The following CNTN3 variants were observed in gnomAD, a reference collection of about 807,000 sequenced individuals.
The protein encoded by CNTN3 is contactin-3.
Under a neutral mutation model 119.1 loss-of-function variants are expected in CNTN3, and 60 were observed. That is an observed-to-expected ratio of 0.50 (90% CI 0.41 to 0.62). The LOEUF (loss-of-function observed/expected upper bound fraction) is 0.62. Among genes scored for constraint, CNTN3 ranks in the 20% least tolerant of loss-of-function variants. The pLI is 0.00. For missense variants in CNTN3, 1,101 were observed against 1,242.4 expected (o/e 0.89, Z 1.71); for synonymous variants, 450 against 438.7 (o/e 1.03, Z -0.32).
At chr3:74,361,703 T>C (rs1704076542) in intron 11 of CNTN3, among the ~76,000 whole-genome samples, 187 bp downstream of exon 11, 1 of 152,178 alleles carries the variant, frequency 6.6e-6, no homozygotes. Context: ...TTTCTGTGTT[T>C]AGATTTCAAA....
At chr3:74,565,510 G>T (rs1257676541) in intron 1 of CNTN3, among the ~76,000 whole-genome samples, 1 of 152,138 alleles carries the variant, frequency 6.6e-6, no homozygotes, top group Non-Finnish European at 1.5e-5. Flanking sequence ...CAGATATAAA[G>T]TCCATTTTGC....
chr3:74,520,407 A>T (rs1433987585), intron 2 of CNTN3, among the ~76,000 whole-genome samples: 6 of 151,424 alleles, frequency 4.0e-5, no homozygotes, highest in Admixed American at 6.6e-5. Context: ...AACAAAATAA[A>T]ATAAACAAAA....
intron 11 of CNTN3, among the ~76,000 whole-genome samples, chr3:74,349,296 G>A (rs1483749024): frequency 1.3e-5 from 2 of 152,150 alleles, no homozygotes; most frequent in African/African-American, 4.8e-5. Flanking sequence ...ATAATACACT[G>A]TGTTAAATGA....
At chr3:74,355,731 A>T (rs1703919465) in intron 11 of CNTN3, among the ~76,000 whole-genome samples, 1 of 152,038 alleles carries the variant, frequency 6.6e-6, no homozygotes, top group South Asian at 2.1e-4. Flanking sequence ...CAGGGATTAC[A>T]AGCATGAGCC....
At chr3:74,430,421 G>A (rs1435195046) in intron 4 of CNTN3, among the ~76,000 whole-genome samples, 1 of 152,094 alleles carries the variant, frequency 6.6e-6, no homozygotes, top group African/African-American at 2.4e-5. Flanking sequence ...TTCCATTTAT[G>A]TAAAACTTTA....
chr3:74,347,293 G>A (rs1703714592), intron 11 of CNTN3, among the ~76,000 whole-genome samples: 1 of 152,184 alleles, frequency 6.6e-6, no homozygotes, highest in African/African-American at 2.4e-5. Context: ...CCAGGTTGGA[G>A]TGCAGCAGCA....
chr3:74,370,667 T>C (rs1704312659), intron 6 of CNTN3, among the ~76,000 whole-genome samples: 2 of 152,124 alleles, frequency 1.3e-5, no homozygotes, highest in Non-Finnish European at 2.9e-5. Context: ...TTTGTGTAAA[T>C]GGGTCAACTA....
chr3:74,316,629 T>A (rs958336433), intron 13 of CNTN3, among the ~76,000 whole-genome samples: 3 of 152,122 alleles, frequency 2.0e-5, no homozygotes, highest in Non-Finnish European at 2.9e-5. Flanking sequence ...ATGTGGTACA[T>A]ATATACCATG....
At chr3:74,272,380 T>A (rs1701795095) in intron 20 of CNTN3, among the ~76,000 whole-genome samples, 1 of 152,176 alleles carries the variant, frequency 6.6e-6, no homozygotes, top group African/African-American at 2.4e-5. Flanking sequence ...TCATAAGTTT[T>A]ACACATTTAG....
At chr3:74,276,580 G>T (rs908045251) in intron 20 of CNTN3, among the ~76,000 whole-genome samples, 1 of 151,774 alleles carries the variant, frequency 6.6e-6, no homozygotes, top group South Asian at 2.1e-4. Context: ...AGAATTATTC[G>T]AATTGAACAA....
chr3:74,465,967 C>A (rs1388624709), intron 4 of CNTN3, among the ~76,000 whole-genome samples: 1 of 152,090 alleles, frequency 6.6e-6, no homozygotes, highest in Non-Finnish European at 1.5e-5. Context: ...ACCGTTTGAA[C>A]CCCTGGATCC....
intron 19 of CNTN3, among the ~76,000 whole-genome samples, chr3:74,289,296 GTTTAA>G (rs765110581): frequency 2.8e-4 from 43 of 152,264 alleles, no homozygotes; most frequent in Admixed American, 7.8e-4. Context: ...GGGAAGAAAT[GTTTAA>G]TCGTTGTTTC....
At chr3:74,404,009 T>TA (rs1705260618) in intron 5 of CNTN3, among the ~76,000 whole-genome samples, 1 of 152,138 alleles carries the variant, frequency 6.6e-6, no homozygotes, top group Non-Finnish European at 1.5e-5. Context: ...ATTCTGCTCT[T>TA]ACAAGACTCG....
In CNTN3 at chr3:74,596,343, G is replaced by T. The variant is rs149041835; in HGVS notation, c.-81+18048C>A. 2.0e-5 allele frequency among the ~76,000 whole-genome samples: 3 copies of T among 151,932 alleles called. No individual in the cohort carries two copies. In the East Asian group the frequency reaches 5.8e-4, roughly 29 times the overall value. The stretch of plus-strand genomic sequence containing the variant: ...CAGAACTGGAAAAAACTACTTTAAC[G>T]TTCATGTGGAACCAAAAAAGAGCCC... On this transcript the variant is annotated intron_variant, in intron 1 of 22. Coordinates refer to ENST00000263665, the MANE Select transcript of CNTN3 (RefSeq NM_020872.3).
chr3:74,585,804 T>C (rs560683986), intron 1 of CNTN3, among the ~76,000 whole-genome samples: 2 of 152,262 alleles, frequency 1.3e-5, no homozygotes, highest in South Asian at 2.1e-4. Context: ...AAAAATGTAT[T>C]TAATGTTGGA....
At chr3:74,320,435 G>A (rs937210175) in intron 13 of CNTN3, among the ~76,000 whole-genome samples, 7 of 152,030 alleles carry the variant, frequency 4.6e-5, no homozygotes, top group African/African-American at 1.4e-4. Context: ...ACCAAGCACC[G>A]CATGTTCTCA....
chr3:74,476,711 A>T (rs1017414843), intron 4 of CNTN3, among the ~76,000 whole-genome samples: 2 of 152,156 alleles, frequency 1.3e-5, no homozygotes, highest in African/African-American at 4.8e-5. Context: ...GAAAATAATG[A>T]TACTCTGAAT....
chr3:74,426,025 T>C (rs890671658), intron 4 of CNTN3, among the ~76,000 whole-genome samples: 1 of 152,168 alleles, frequency 6.6e-6, no homozygotes, highest in Non-Finnish European at 1.5e-5. Flanking sequence ...AAATACTATT[T>C]TGATTACCAA....
At chr3:74,393,355 T>G (rs1422836059) in intron 5 of CNTN3, among the ~76,000 whole-genome samples, 1 of 152,242 alleles carries the variant, frequency 6.6e-6, no homozygotes, top group African/African-American at 2.4e-5. Flanking sequence ...ATCTGATTGT[T>G]GGTGTTTAAA....
Sources: allele counts gnomAD v4.1 joint callset (sites outside exome capture counted in the v4.1 genomes callset), GRCh38; gene constraint gnomAD v4.1.1; transcripts MANE v1.5; gene names NCBI Gene and HGNC (gene_info 2026-07-23, HGNC 2026-07-21).